Variants in ANXA13 observed in about 807,000 individuals in gnomAD.
The protein encoded by ANXA13 is annexin XIII.
A neutral mutation model predicts 46.6 loss-of-function variants in ANXA13; 36 were observed. That is an observed-to-expected ratio of 0.77 (90% CI 0.59 to 1.02). The LOEUF is 1.02. ANXA13 is among the 50% of genes least tolerant of loss of function. The probability of loss-of-function intolerance (pLI) is 0.00; values close to 1 mark genes in which losing one functional copy is unlikely to be tolerated. For missense variants in ANXA13, 417 were observed against 396.5 expected (o/e 1.05, Z -0.44); for synonymous variants, 163 against 152.9 (o/e 1.07, Z -0.49).
chr8:123,696,203 G>T (rs1563608229), intron 4 of ANXA13, among the ~76,000 whole-genome samples: 1 of 151,940 alleles, frequency 6.6e-6, no homozygotes. Context: ...ATCATTCCTT[G>T]ACTTAGTTTT....
chr8:123,704,629 T>G (rs545659782), intron 2 of ANXA13, among the ~76,000 whole-genome samples: 2 of 152,244 alleles, frequency 1.3e-5, no homozygotes, highest in Admixed American at 6.5e-5. Flanking sequence ...ACTCCTGGCC[T>G]CAGGTGATCC....
intron 10 of ANXA13, among the ~76,000 whole-genome samples, chr8:123,681,619 C>CTT (rs5894670): frequency 8.2e-4 from 88 of 106,996 alleles, no homozygotes; most frequent in East Asian, 5.0e-3. Flanking sequence ...TCTTGAATTT[C>CTT]TTTTTTTTTT....
intron 1 of ANXA13, among the ~76,000 whole-genome samples, chr8:123,719,819 G>A (rs992566466): frequency 6.6e-6 from 1 of 152,212 alleles, no homozygotes. Flanking sequence ...GCCCTTTGCT[G>A]GTTGTACCAC....
intron 3 of ANXA13, among the ~76,000 whole-genome samples, chr8:123,699,394 G>A (rs561937151): frequency 2.2e-4 from 33 of 151,936 alleles, no homozygotes; most frequent in Middle Eastern, 3.4e-3. Context: ...TGTTGTCCAG[G>A]CTAATCTCAA....
intron 9 of ANXA13, among the ~76,000 whole-genome samples, chr8:123,688,266 T>C (rs1383116390): frequency 6.6e-6 from 1 of 152,204 alleles, no homozygotes; most frequent in Non-Finnish European, 1.5e-5. Context: ...GATGATTTTA[T>C]AAGGGGTTTC....
chr8:123,722,342 AAAAG>A (rs148382346), intron 1 of ANXA13, among the ~76,000 whole-genome samples: 29,129 of 136,454 alleles, frequency 0.21, 3,263 homozygotes, highest in Non-Finnish European at 0.25. Flanking sequence ...GAAAGAAAAG[AAAAG>A]AAAGAAAGAA....
chr8:123,709,790 C>T (rs541305597), intron 2 of ANXA13, among the ~76,000 whole-genome samples: 1 of 152,316 alleles, frequency 6.6e-6, no homozygotes, highest in Admixed American at 6.5e-5. Context: ...TGGTGTCTCT[C>T]TTTGTCACCC....
rs186528905 is a variant in ANXA13, at chr8:123,726,293, C to A, written c.15+11027G>T. 3.9e-5 allele frequency among the ~76,000 whole-genome samples: 6 copies of A among 152,308 alleles called. 1 individual carries two copies. The South Asian group carries it at 1.2e-3, about 32-fold the overall frequency. ...CTTAGGCTATGCCATCTGGGTTACA[C>A]GTGTTGATGTGATATTTACTTATCA... On this transcript the variant is annotated intron_variant, in intron 1 of 10. Coordinates refer to ENST00000419625, the MANE Select transcript of ANXA13 (RefSeq NM_004306.4).
intron 1 of ANXA13, among the ~76,000 whole-genome samples, chr8:123,714,805 AG>A (rs952509043): frequency 3.3e-5 from 5 of 152,250 alleles, no homozygotes; most frequent in Non-Finnish European, 2.9e-5. Flanking sequence ...GCTGTGTGCC[AG>A]GCAGTTTATA....
intron 1 of ANXA13, among the ~76,000 whole-genome samples, chr8:123,733,845 C>T (rs1023211739): frequency 1.6e-4 from 24 of 152,206 alleles, no homozygotes; most frequent in African/African-American, 1.7e-4. Flanking sequence ...ACCCAGGCAT[C>T]GGTGGCTTTT....
At chr8:123,703,721 T>C (rs938256186) in intron 2 of ANXA13, among the ~76,000 whole-genome samples, 2 of 152,178 alleles carry the variant, frequency 1.3e-5, no homozygotes, top group Admixed American at 6.5e-5. Flanking sequence ...CTTTAGATTA[T>C]GTTATTTTTA....
At chr8:123,703,494 T>C (rs1813485129) in intron 2 of ANXA13, among the ~76,000 whole-genome samples, 1 of 152,216 alleles carries the variant, frequency 6.6e-6, no homozygotes, top group Non-Finnish European at 1.5e-5. Context: ...GTGAATTATA[T>C]GGTGCATGAA....
intron 1 of ANXA13, among the ~76,000 whole-genome samples, chr8:123,727,368 C>A (rs1295982382): frequency 2.6e-5 from 4 of 151,972 alleles, no homozygotes; most frequent in Admixed American, 2.6e-4. Context: ...TAGGGACATG[C>A]CTGGGCCAGA....
At chr8:123,688,283 C>T (rs547993647) in intron 9 of ANXA13, among the ~76,000 whole-genome samples, 17 of 152,294 alleles carry the variant, frequency 1.1e-4, no homozygotes, top group African/African-American at 1.7e-4. Context: ...TTTCCTCTTT[C>T]GCTTGGGTCT....
At chr8:123,681,498 C>A (rs1813036984) in intron 10 of ANXA13, 139 bp from the exon 11 acceptor site, 2 of 797,710 alleles carry the variant, frequency 2.5e-6, no homozygotes, top group Non-Finnish European at 3.8e-6. Context: ...TATTTCCTAT[C>A]ATTATTTCCT....
intron 10 of ANXA13, among the ~76,000 whole-genome samples, chr8:123,681,747 C>G (rs1386394981): frequency 6.6e-6 from 1 of 151,862 alleles, no homozygotes; most frequent in East Asian, 1.9e-4. Flanking sequence ...CCTCAGCCCC[C>G]CAAGTAGCTG....
intron 4 of ANXA13, 109 bp from the exon 5 acceptor site, chr8:123,695,830 G>A: frequency 1.1e-6 from 1 of 949,282 alleles, no homozygotes; most frequent in East Asian, 2.4e-5. Flanking sequence ...GTGCCTTCAA[G>A]ACTTCCTCTT....
At position 123,691,882 on chromosome 8, in the gene ANXA13, T is replaced by TACAC. The variant is rs145940109; in HGVS notation, c.642+1311_642+1314dup. Reference sequence around the variant, plus strand: ...AGTGTACTTTCAGGTAGTCAGTTCATACACACACACACACGTACCCAGAAA... The same window carrying TACAC: ...AGTGTACTTTCAGGTAGTCAGTTCATACACACACACACACACACGTACCCAGAAA... On this transcript the variant is annotated intron_variant, in intron 8 of 10. Coordinates refer to ENST00000419625, the MANE Select transcript of ANXA13 (RefSeq NM_004306.4). 3.3e-5 allele frequency among the ~76,000 whole-genome samples: 5 copies of TACAC among 151,694 alleles called. 1 individual carries two copies. In the South Asian group the frequency reaches 8.3e-4, roughly 25 times the overall value.
At chr8:123,735,809 G>A (rs753352598) in intron 1 of ANXA13, 35 of 1,612,678 alleles carry the variant, frequency 2.2e-5, no homozygotes, top group Non-Finnish European at 2.8e-5. Flanking sequence ...GAGGCTGCAC[G>A]ACTGTCGAGG....
Sources: allele counts gnomAD v4.1 joint callset (sites outside exome capture counted in the v4.1 genomes callset), GRCh38; gene constraint gnomAD v4.1.1; transcripts MANE v1.5; gene names NCBI Gene and HGNC (gene_info 2026-07-23, HGNC 2026-07-21).